Variants in CLUL1 observed in about 807,000 individuals in gnomAD.
CLUL1 encodes clusterin-like protein 1.
CLUL1 carries 43 observed loss-of-function variants against 49.4 expected under a neutral mutation model. The ratio of observed to expected loss-of-function variants is 0.87; its 90% CI spans 0.68 to 1.12. The LOEUF (loss-of-function observed/expected upper bound fraction) is 1.12, where lower values mean the gene tolerates loss of function less well. CLUL1 is among the 50% of genes most tolerant of loss of function. The probability of loss-of-function intolerance (pLI) is 0.00; values close to 1 mark genes in which losing one functional copy is unlikely to be tolerated. For missense variants in CLUL1, 486 were observed against 544.4 expected, an observed-to-expected ratio of 0.89 and a Z score of 1.07; for synonymous variants, 192 against 184.9, an observed-to-expected ratio of 1.04 and a Z score of -0.31.
At chr18:631,106 A>T (rs1335486406) in intron 6 of CLUL1, among the ~76,000 whole-genome samples, 1 of 152,212 alleles carries the variant, frequency 6.6e-6, no homozygotes, top group Non-Finnish European at 1.5e-5. Flanking sequence ...TTAGAAAAAT[A>T]GCTAACACTG....
chr18:645,287 T>C (rs1019895780), intron 9 of CLUL1, 190 bp downstream of exon 9: 27 of 463,702 alleles, frequency 5.8e-5, no homozygotes, highest in Middle Eastern at 1.1e-3. Flanking sequence ...GAAATCCTGA[T>C]AGGAATGTGA....
At chr18:628,653 T>TC (rs994121021) in intron 6 of CLUL1, among the ~76,000 whole-genome samples, 6 of 151,474 alleles carry the variant, frequency 4.0e-5, no homozygotes, top group African/African-American at 1.5e-4. Context: ...TTTTTTTTTT[T>TC]TGAGATGGAG....
Position 627,156 on chromosome 18 carries a change from A to G in CLUL1, c.483A>G (p.Glu161=), listed in dbSNP as rs776742881. Residue 161 remains glutamate, a synonymous_variant, in exon 6 of 10, where the codon GAA becomes GAG. Transcript: ENST00000692774. ...QFLFPFHEDN[E]KDLPISEKLI... is the part of the protein sequence containing the mutation. ...TATTTCCTTTCCATGAAGATAATGA[A>G]AAAGATCTCCCCATCAGTGAAAAGC... 1 of 1,613,274 alleles carries G rather than the reference A, an allele frequency of 6.2e-7. No individual in the cohort carries two copies. Among genetic ancestry groups the G allele is most frequent in the Non-Finnish European group, 8.5e-7 (1 of 1,179,574 alleles).
chr18:627,800 A>C (rs565042775), intron 6 of CLUL1, among the ~76,000 whole-genome samples: 3 of 152,114 alleles, frequency 2.0e-5, no homozygotes, highest in Non-Finnish European at 4.4e-5. Flanking sequence ...GAAAAAAAAA[A>C]ACCAGTTCCC....
At chr18:629,451 G>A (rs2144090636) in intron 6 of CLUL1, among the ~76,000 whole-genome samples, 1 of 152,264 alleles carries the variant, frequency 6.6e-6, no homozygotes, top group Admixed American at 6.5e-5. Context: ...CATGTGCACA[G>A]GACTGTCAGT....
At chr18:645,137 A>T in intron 9 of CLUL1, 40 bp downstream of exon 9, 1 of 1,435,288 alleles carries the variant, frequency 7.0e-7, no homozygotes, top group East Asian at 2.5e-5. Flanking sequence ...TGTTGACAGG[A>T]ATAGTTAATT....
rs1241231205 is a variant in CLUL1, at chr18:650,158, T to A, written c.*257T>A. On this transcript the variant is annotated 3_prime_UTR_variant, in exon 10 of 10. Coordinates refer to ENST00000692774, the MANE Select transcript of CLUL1 (RefSeq NM_001393344.1). ...TTCATGGTACATTAGTAGTTCTTTG[T>A]ATATTGAATAAATACTAAATCACCT... 3.5e-6 allele frequency: 1 copy of A among 287,036 alleles called. No individual in the cohort carries two copies. Among genetic ancestry groups the A allele is most frequent in the Admixed American group, 5.2e-5 (1 of 19,176 alleles). The allele number at this position is 287,036 out of a possible 1,614,324, so 17.8% of individuals were successfully genotyped here.
intron 4 of CLUL1, among the ~76,000 whole-genome samples, chr18:620,692 G>A (rs2073465983): frequency 1.3e-5 from 2 of 152,136 alleles, no homozygotes; most frequent in Non-Finnish European, 2.9e-5. Flanking sequence ...GCTATAGCTT[G>A]AATTACATAT....
chr18:620,364 G>GT (rs879810757), intron 4 of CLUL1, among the ~76,000 whole-genome samples: 1,933 of 143,472 alleles, frequency 0.013, 28 homozygotes, highest in African/African-American at 0.04. Flanking sequence ...AATCTGCCAA[G>GT]TTTTTTTTTT....
intron 2 of CLUL1, among the ~76,000 whole-genome samples, chr18:611,130 C>T (rs1340064303): frequency 6.6e-6 from 1 of 152,048 alleles, no homozygotes; most frequent in African/African-American, 2.4e-5. Context: ...CTCTGTGGCC[C>T]TGGCTCAGCC....
chr18:618,172 G>T lies in CLUL1; in HGVS notation c.106+66G>T. 8.5e-7 allele frequency: 1 copy of T among 1,173,366 alleles called. No individual in the cohort carries two copies. 72.7% of individuals were successfully genotyped at this position (1,173,366 alleles called of 1,614,324 possible). ...GTTGGTTGTCCTGCTGGCGTTTATAGTGAGTCGCAGTTGAGAGATAACCAT... is the reference window on the plus strand; with the variant it reads ...GTTGGTTGTCCTGCTGGCGTTTATATTGAGTCGCAGTTGAGAGATAACCAT... On this transcript the variant is annotated intron_variant, in intron 3 of 9. Coordinates refer to ENST00000692774, the MANE Select transcript of CLUL1 (RefSeq NM_001393344.1). This position sits in a 1 kb window ranked among gnomAD's most constrained non-coding sequence, Gnocchi z 4.2.
intron 2 of CLUL1, among the ~76,000 whole-genome samples, chr18:616,511 A>G (rs570788864): frequency 6.6e-6 from 1 of 152,356 alleles, no homozygotes; most frequent in South Asian, 2.1e-4. Flanking sequence ...ATTTGTATAT[A>G]GGAAGGTAGC....
rs1447897314 is a variant in CLUL1 at position 617,702 on chromosome 18, G to A, written c.-13-286G>A. Among the ~76,000 whole-genome samples, 6 of 152,020 alleles carry A rather than the reference G, an allele frequency of 3.9e-5. No individual in the cohort carries two copies. The East Asian group carries it at 1.2e-3, about 29-fold the overall frequency. ...TTACAAAATGAAGCTTGGACTCTGA[G>A]AGGATGTGATCTATCCTCTCCATTG... is the stretch of plus-strand genomic sequence containing the variant. On this transcript the variant is annotated intron_variant, in intron 2 of 9. Transcript: ENST00000692774.
rs2072900553 is a variant in CLUL1, at chr18:603,954, C to T, written c.-135-3024C>T. 2.0e-5 allele frequency among the ~76,000 whole-genome samples: 3 copies of T among 152,196 alleles called. No individual in the cohort carries two copies. The South Asian group carries it at 6.2e-4, about 32-fold the overall frequency. Reference sequence around the variant, plus strand: ...GGAGTGCAGTGTCGTGATCTTGGCTCATTGCAGCCTCCACCTCCTGGGCTC... The same window carrying T: ...GGAGTGCAGTGTCGTGATCTTGGCTTATTGCAGCCTCCACCTCCTGGGCTC... On this transcript the variant is annotated intron_variant, in intron 1 of 9. Coordinates refer to ENST00000692774, the MANE Select transcript of CLUL1 (RefSeq NM_001393344.1).
At chr18:639,036 T>C (rs534918875) in intron 7 of CLUL1, among the ~76,000 whole-genome samples, 1 of 152,364 alleles carries the variant, frequency 6.6e-6, no homozygotes, top group African/African-American at 2.4e-5. Context: ...ATCATGTGCC[T>C]ATATACATAT....
At chr18:608,133 C>T (rs1470293849) in intron 2 of CLUL1, among the ~76,000 whole-genome samples, 3 of 152,104 alleles carry the variant, frequency 2.0e-5, no homozygotes, top group South Asian at 2.1e-4. Context: ...TGTGGCTGCC[C>T]GTGCTCTCAC....
At chr18:639,223 G>T (rs1261386878) in intron 7 of CLUL1, among the ~76,000 whole-genome samples, 1 of 150,292 alleles carries the variant, frequency 6.7e-6, no homozygotes, top group Non-Finnish European at 1.5e-5. Context: ...TCAGGAGTTC[G>T]AGACCAGCCT....
chr18:645,813 ATATATAT>A (rs2074485556), intron 9 of CLUL1, among the ~76,000 whole-genome samples: 18 of 57,054 alleles, frequency 3.2e-4, no homozygotes, highest in East Asian at 1.3e-3. Context: ...AAAAAAAAAT[ATATATAT>A]ATATATATAT....
rs1598416429 is a variant in CLUL1 at position 615,695 on chromosome 18, A to G, written c.-13-2293A>G. Among the ~76,000 whole-genome samples the G allele has an allele frequency of 1.3e-5, 2 of 152,224 alleles. 1 individual carries two copies. Among genetic ancestry groups the G allele is most frequent in the Admixed American group, 1.3e-4 (2 of 15,278 alleles). On this transcript the variant is annotated intron_variant, in intron 2 of 9. Transcript: ENST00000692774. ...ACATCTGTTTATAGGTGTGGATTGT[A>G]GTTGCTCATAAGTGACATTAGGCTG...
Sources: allele counts gnomAD v4.1 joint callset (sites outside exome capture counted in the v4.1 genomes callset), GRCh38; gene constraint gnomAD v4.1.1; non-coding constraint Gnocchi (gnomAD v3.1); transcripts MANE v1.5; gene names NCBI Gene and HGNC (gene_info 2026-07-23, HGNC 2026-07-21).